GNAS: variants seen among roughly 807,000 people sequenced by gnomAD.
GNAS encodes GNAS complex locus, also known as protein ALEX.
A neutral mutation model predicts 54.5 loss-of-function variants in GNAS; 8 were observed. The observed-to-expected ratio is 0.15, with a 90% CI of 0.09 to 0.26. The LOEUF is 0.26. GNAS is among the 10% of genes least tolerant of loss of function. GNAS has a pLI of 1.00. For synonymous variants in GNAS, 204 were observed against 191.4 expected (o/e 1.07, Z -0.54); for missense variants, 170 against 529.8 (o/e 0.32, Z 6.67).
chr20:58,903,841 A>G lies in GNAS; in HGVS notation c.432+50A>G, dbSNP rs777246916. 3.1e-6 allele frequency: 5 copies of G among 1,608,084 alleles called. No individual in the cohort carries two copies. In the Admixed American group the frequency reaches 8.3e-5, roughly 27 times the overall value. On this transcript the variant is annotated intron_variant, in intron 5 of 12. Coordinates refer to ENST00000371085, the MANE Select transcript of GNAS (RefSeq NM_000516.7). ...GCCTTAGCCCCGCCCACCTGAGCAC[A>G]GTGTCCATATAGGAACATGAGTGAC... is the stretch of plus-strand genomic sequence containing the variant.
At chr20:58,850,861 C>T (rs1341270228) in intron 1 of GNAS, 1 of 398,836 alleles carries the variant, frequency 2.5e-6, no homozygotes, top group Non-Finnish European at 4.4e-6. Context: ...CTTCCAACCA[C>T]CCCAGCAGCA....
At chr20:58,840,055 A>G (rs1800900), upstream of GNAS, 1,019,846 of 1,596,376 alleles carry the variant, frequency 0.64, 329,219 homozygotes, top group East Asian at 0.78. The surrounding 1 kb of genome is among the most constrained non-coding windows in gnomAD (Gnocchi z 6.0). Flanking sequence ...CTTCGGAGCC[A>G]CTCTCTGCAG....
intron 1 of GNAS, chr20:58,854,622 C>A (rs1275574467): frequency 7.8e-6 from 12 of 1,537,558 alleles, no homozygotes; most frequent in Admixed American, 3.9e-5. Context: ...CCCAGCCGAT[C>A]CCGACTCCGG....
At chr20:58,844,295 A>G (rs958440322) in intron 1 of GNAS, among the ~76,000 whole-genome samples, 1 of 152,190 alleles carries the variant, frequency 6.6e-6, no homozygotes, top group Admixed American at 6.5e-5. Flanking sequence ...CAGTGATGTC[A>G]TGTGCTGGCT....
At chr20:58,847,827 A>T (rs1261752851) in intron 1 of GNAS, among the ~76,000 whole-genome samples, 1 of 152,152 alleles carries the variant, frequency 6.6e-6, no homozygotes, top group Non-Finnish European at 1.5e-5. Context: ...ACAGGTAGCT[A>T]CCTAAACTTG....
chr20:58,859,803 G>T (rs6026564), intron 1 of GNAS, among the ~76,000 whole-genome samples: 12,791 of 150,910 alleles, frequency 0.085, 1,151 homozygotes, highest in African/African-American at 0.23. Flanking sequence ...TTTTTGTATT[G>T]TTAGTAGAGA....
chr20:58,878,912 T>G (rs990294053), intron 1 of GNAS, among the ~76,000 whole-genome samples: 135 of 95,230 alleles, frequency 1.4e-3, no homozygotes, highest in Admixed American at 2.0e-3. Context: ...GGGGTGCGGG[T>G]GGGGGGGGGA....
intron 1 of GNAS, among the ~76,000 whole-genome samples, chr20:58,875,501 C>A (rs2087748299): frequency 6.6e-6 from 1 of 152,102 alleles, no homozygotes; most frequent in African/African-American, 2.4e-5. Flanking sequence ...GGGCAGTCAC[C>A]CCCTCCCCAC....
intron 1 of GNAS, 154 bp from the exon 2 acceptor site, chr20:58,895,458 C>T (rs2089955217): frequency 5.9e-6 from 4 of 681,114 alleles, no homozygotes; most frequent in South Asian, 1.6e-5. Context: ...CTTTTCTCTG[C>T]GTCGAAATGT....
chr20:58,871,588 T>A (rs1228298816), intron 1 of GNAS, among the ~76,000 whole-genome samples: 2 of 128,990 alleles, frequency 1.6e-5, no homozygotes, highest in Non-Finnish European at 3.1e-5. Context: ...CACTCCATCC[T>A]GGGCAACAAG....
chr20:58,908,157 C>T (rs757798129), intron 6 of GNAS, among the ~76,000 whole-genome samples: 5 of 152,188 alleles, frequency 3.3e-5, no homozygotes, highest in Admixed American at 2.0e-4. Flanking sequence ...ACTTTTCTCT[C>T]TTTATGATTT....
chr20:58,844,086 G>A (rs1489545965), intron 1 of GNAS: 1 of 152,110 alleles, frequency 6.6e-6, no homozygotes, highest in African/African-American at 2.4e-5. Flanking sequence ...TAAGAATGAG[G>A]TTTTTTGGTT....
At chr20:58,872,147 G>A (rs1017779800) in intron 1 of GNAS, among the ~76,000 whole-genome samples, 1 of 152,182 alleles carries the variant, frequency 6.6e-6, no homozygotes, top group African/African-American at 2.4e-5. Flanking sequence ...TCTGACCACT[G>A]CCCTCTCACC....
chr20:58,897,112 G>A (rs2090138207), intron 2 of GNAS, among the ~76,000 whole-genome samples: 1 of 152,182 alleles, frequency 6.6e-6, no homozygotes, highest in Non-Finnish European at 1.5e-5. Flanking sequence ...GGATTGGTTG[G>A]GATGCACAGG....
intron 6 of GNAS, chr20:58,908,817 A>G (rs1221376528): frequency 5.9e-6 from 2 of 336,690 alleles, no homozygotes; most frequent in East Asian, 1.3e-4. Flanking sequence ...ATAAAAAAGA[A>G]AAATAGAAAA....
chr20:58,868,976 C>T (rs992388225), intron 1 of GNAS, among the ~76,000 whole-genome samples: 2 of 152,210 alleles, frequency 1.3e-5, no homozygotes, highest in African/African-American at 4.8e-5. Flanking sequence ...CCGCATCCCC[C>T]TCCCTAAATC....
At chr20:58,875,999 G>A (rs777819161) in intron 1 of GNAS, among the ~76,000 whole-genome samples, 4 of 152,134 alleles carry the variant, frequency 2.6e-5, no homozygotes, top group Admixed American at 6.5e-5. Context: ...ACTGTCCTGC[G>A]GTTATATCCT....
intron 1 of GNAS, chr20:58,850,867 C>T: frequency 2.5e-6 from 1 of 398,924 alleles, no homozygotes. Context: ...ACCACCCCAG[C>T]AGCACCTCTT....
At chr20:58,854,506 G>C (rs747039005) in intron 1 of GNAS, 9 of 1,575,222 alleles carry the variant, frequency 5.7e-6, no homozygotes, top group Non-Finnish European at 6.0e-6. Flanking sequence ...CCCGACTCCG[G>C]GACAGCACCA....
Sources: allele counts gnomAD v4.1 joint callset (sites outside exome capture counted in the v4.1 genomes callset), GRCh38; gene constraint gnomAD v4.1.1; non-coding constraint Gnocchi (gnomAD v3.1); transcripts MANE v1.5; gene names NCBI Gene and HGNC (gene_info 2026-07-23, HGNC 2026-07-21).